Variants in MLLT10 observed in about 807,000 individuals in gnomAD.
MLLT10 encodes the protein protein AF-10.
In MLLT10, 30 loss-of-function variants were observed where a neutral mutation model predicts 129.1. The observed-to-expected ratio is 0.23, with a 90% CI of 0.17 to 0.32. The LOEUF is 0.32. Among genes scored for constraint, MLLT10 ranks in the 10% least tolerant of loss-of-function variants. The pLI is 1.00. For missense variants in MLLT10, 1,119 were observed against 1,268.3 expected, an observed-to-expected ratio of 0.88 and a Z score of 1.79; for synonymous variants, 490 against 446.4, an observed-to-expected ratio of 1.10 and a Z score of -1.23.
intron 8 of MLLT10, chr10:21,625,043 C>T (rs2131245360): frequency 3.4e-6 from 3 of 893,302 alleles, no homozygotes; most frequent in Non-Finnish European, 5.4e-6. Flanking sequence ...TCGTAACCTC[C>T]TTGATAGATG....
At chr10:21,688,866 A>G (rs2053551625) in intron 13 of MLLT10, among the ~76,000 whole-genome samples, 1 of 152,120 alleles carries the variant, frequency 6.6e-6, no homozygotes, top group Non-Finnish European at 1.5e-5. Context: ...TCACACTGAG[A>G]TCAGGAAGAA....
Position 21,743,213 on chromosome 10 carries a change from C to T in MLLT10, c.*1230C>T, listed in dbSNP as rs1485963732. On this transcript the variant is annotated 3_prime_UTR_variant, in exon 23 of 23. Transcript: ENST00000307729. ...AAAAGACCCAGCTGTAATTAGACCTCCACTGTGTACTTAGCTGGAAGAACA... is the reference window on the plus strand; with the variant it reads ...AAAAGACCCAGCTGTAATTAGACCTTCACTGTGTACTTAGCTGGAAGAACA... 4.4e-6 allele frequency: 1 copy of T among 228,808 alleles called. No individual in the cohort carries two copies. Among genetic ancestry groups the T allele is most frequent in the Non-Finnish European group, 8.7e-6 (1 of 115,200 alleles). The allele number at this position is 228,808 out of a possible 1,614,324, so 14.2% of individuals were successfully genotyped here.
intron 5 of MLLT10, among the ~76,000 whole-genome samples, chr10:21,601,156 G>A (rs1235269031): frequency 1.3e-5 from 2 of 152,090 alleles, no homozygotes; most frequent in Admixed American, 6.6e-5. Context: ...ATGTTGCCTA[G>A]GCTGGTCTTG....
chr10:21,669,996 C>G (rs2051223316), intron 9 of MLLT10, among the ~76,000 whole-genome samples: 1 of 152,032 alleles, frequency 6.6e-6, no homozygotes, highest in Non-Finnish European at 1.5e-5. Context: ...GCCTTATAAA[C>G]TCATGGATAT....
intron 21 of MLLT10, among the ~76,000 whole-genome samples, chr10:21,735,483 CGT>C (rs2058288749): frequency 6.6e-6 from 1 of 152,100 alleles, no homozygotes; most frequent in Non-Finnish European, 1.5e-5. Flanking sequence ...AGATGTGGTG[CGT>C]GTTTTCCCGG....
At chr10:21,583,122 A>T (rs1257193626) in intron 3 of MLLT10, among the ~76,000 whole-genome samples, 1 of 152,170 alleles carries the variant, frequency 6.6e-6, no homozygotes, top group African/African-American at 2.4e-5. Flanking sequence ...GTGAGCCGAG[A>T]TTGAGCCACT....
At chr10:21,739,900 C>G (rs2058690539) in intron 21 of MLLT10, 130 bp from the exon 22 acceptor site, 6 of 714,870 alleles carry the variant, frequency 8.4e-6, no homozygotes, top group Non-Finnish European at 1.2e-5. Context: ...GCATATTTTT[C>G]TAGATGAGAT....
At chr10:21,601,277 A>G (rs1414456678) in intron 5 of MLLT10, among the ~76,000 whole-genome samples, 3 of 152,006 alleles carry the variant, frequency 2.0e-5, no homozygotes, top group African/African-American at 4.8e-5. Flanking sequence ...TCAACTTGAT[A>G]TATTATTTGC....
intron 3 of MLLT10, among the ~76,000 whole-genome samples, chr10:21,560,161 A>G (rs1314489731): frequency 6.6e-6 from 1 of 151,990 alleles, no homozygotes; most frequent in Non-Finnish European, 1.5e-5. Context: ...GTGCGCCACC[A>G]CACCCGGCTA....
At chr10:21,562,818 G>GTTTTTTTTTTTTT (rs1163404490) in intron 3 of MLLT10, among the ~76,000 whole-genome samples, 19 of 82,584 alleles carry the variant, frequency 2.3e-4, no homozygotes, top group East Asian at 3.4e-4. Flanking sequence ...TGTTTTTTTT[G>GTTTTTTTTTTTTT]TTTTTTTTTT....
chr10:21,647,798 AC>A (rs1244772559), intron 8 of MLLT10, among the ~76,000 whole-genome samples: 3 of 151,864 alleles, frequency 2.0e-5, no homozygotes. Context: ...TTTTAATTTT[AC>A]CGTCTTCCCA....
At chr10:21,699,040 A>G (rs2054636776) in intron 13 of MLLT10, among the ~76,000 whole-genome samples, 1 of 151,954 alleles carries the variant, frequency 6.6e-6, no homozygotes. Flanking sequence ...ATGCCCAGCT[A>G]ATTTTTGTAC....
rs2149827 is a variant in MLLT10, at chr10:21,664,977, G to A, written c.796-5472G>A. On this transcript the variant is annotated intron_variant, in intron 9 of 22. Coordinates refer to ENST00000307729, the MANE Select transcript of MLLT10 (RefSeq NM_001195626.3). ...TTTTTTTTTTTTGAGATAGAGTCTC[G>A]CTCTGTCACCCCGGCTGGAGTGCAG... Among the ~76,000 whole-genome samples the A allele has an allele frequency of 4.0e-5, 5 of 125,180 alleles. No individual in the cohort carries two copies. The South Asian group carries it at 9.7e-4, about 24-fold the overall frequency. 82.1% of individuals were successfully genotyped at this position (125,180 alleles called of 152,430 possible). A position where few individuals can be genotyped will look rare whatever the true frequency, so the allele number is the denominator to read the frequency against.
chr10:21,608,640 A>G (rs2044296036), intron 5 of MLLT10, among the ~76,000 whole-genome samples: 2 of 152,004 alleles, frequency 1.3e-5, no homozygotes, highest in African/African-American at 2.4e-5. Flanking sequence ...TTATTGATAC[A>G]TATGTAAATT....
chr10:21,548,546 T>G (rs2036471721), intron 3 of MLLT10, among the ~76,000 whole-genome samples: 1 of 152,066 alleles, frequency 6.6e-6, no homozygotes. Context: ...ATTTTGTGTA[T>G]TTTTAGCAGA....
intron 3 of MLLT10, among the ~76,000 whole-genome samples, chr10:21,574,697 C>CTA (rs911950135): frequency 6.6e-6 from 1 of 152,060 alleles, no homozygotes; most frequent in Non-Finnish European, 1.5e-5. Context: ...CCTTTTTAGA[C>CTA]TATATAGGGT....
chr10:21,649,763 T>A (rs1355109747), intron 8 of MLLT10, among the ~76,000 whole-genome samples: 1 of 152,154 alleles, frequency 6.6e-6, no homozygotes, highest in African/African-American at 2.4e-5. Context: ...CATGAAGACT[T>A]CTTAAACCTC....
Position 21,534,318 on chromosome 10 carries a change from C to CCCG in MLLT10, c.-201_-200insGCC, listed in dbSNP as rs1554775002. 1 of 395,328 alleles carries CCCG rather than the reference C, an allele frequency of 2.5e-6. No homozygotes were observed. The highest frequency in any genetic ancestry group is 4.5e-6 in the Non-Finnish European group (1 of 222,750). 24.5% of individuals were successfully genotyped at this position (395,328 alleles called of 1,614,324 possible). A position where few individuals can be genotyped will look rare whatever the true frequency, so the allele number is the denominator to read the frequency against. On this transcript the variant is annotated 5_prime_UTR_variant, in exon 1 of 23. Coordinates refer to ENST00000307729, the MANE Select transcript of MLLT10 (RefSeq NM_001195626.3). Reference sequence around the variant, plus strand: ...TGGCCCAGCGGGAGCCCCCCCTCCCCCCAGTGCGCCTGTGCGGAGGCCCTC... The same window carrying CCCG: ...TGGCCCAGCGGGAGCCCCCCCTCCCCCCGCCAGTGCGCCTGTGCGGAGGCCCTC...
At chr10:21,614,184 C>G (rs959563166) in intron 6 of MLLT10, among the ~76,000 whole-genome samples, 8 of 142,280 alleles carry the variant, frequency 5.6e-5, no homozygotes, top group African/African-American at 2.1e-4. Flanking sequence ...CACCACTGCA[C>G]TCCAGCCTGG....
Sources: gnomAD v4.1 joint callset for allele counts (sites outside exome capture counted in the v4.1 genomes callset) on GRCh38, gnomAD v4.1.1 for gene constraint, MANE v1.5 for transcripts, NCBI Gene and HGNC (gene_info 2026-07-23, HGNC 2026-07-21) for gene names.